Variants in GALNT15 observed in about 807,000 individuals in gnomAD.
GALNT15 encodes UDP-GalNAc transferase T15.
A neutral mutation model predicts 66.8 loss-of-function variants in GALNT15; 67 were observed. The observed-to-expected ratio is 1.00, with a 90% confidence interval of 0.82 to 1.23. The LOEUF (loss-of-function observed/expected upper bound fraction) is 1.23. Among genes scored for constraint, GALNT15 ranks in the 50% most tolerant of loss-of-function variants. The pLI is 0.00. For missense variants in GALNT15, 827 were observed against 804.3 expected (o/e 1.03, Z -0.34); for synonymous variants, 313 against 311.5 (o/e 1.00, Z -0.05).
rs2063499784 is a variant in GALNT15, at chr3:16,184,529, T to G, written c.539+8839T>G. Among the ~76,000 whole-genome samples, 1 of 152,230 alleles carries G rather than the reference T, an allele frequency of 6.6e-6. No individual in the cohort carries two copies. Among genetic ancestry groups the G allele is most frequent in the Admixed American group, 6.5e-5 (1 of 15,290 alleles). ...CTCTGGGCTGTGTCCTACCCACCCT[T>G]CAGGTCTTGGCTTTGATTTCACGTC... is the stretch of plus-strand genomic sequence containing the variant. On this transcript the variant is annotated intron_variant, in intron 1 of 9. Transcript: ENST00000339732. This position sits in a 1 kb window ranked among gnomAD's most constrained non-coding sequence, Gnocchi z 5.0.
At chr3:16,244,287 G>A in the GALNT15 span, among the ~76,000 whole-genome samples, 1 of 152,188 alleles carries the variant, frequency 6.6e-6, no homozygotes, top group Non-Finnish European at 1.5e-5. Flanking sequence ...ACTTGAGGGT[G>A]ACAAAGCATG....
the GALNT15 span, among the ~76,000 whole-genome samples, chr3:16,245,681 G>A: frequency 3.9e-5 from 6 of 152,210 alleles, no homozygotes; most frequent in African/African-American, 7.2e-5. Flanking sequence ...TTGAAGGAAG[G>A]GTTCCCCAAT....
In GALNT15 at chr3:16,222,647, C is replaced by G; in HGVS notation, c.1662C>G (p.His554Gln). ...AGCACACCAGCAGGAAGGAGATTCA[C>G]TTTGGCAGCCCACAGCACCTGTGCT... ...YLQHTSRKEI[H>Q]FGSPQHLCFA... Residue 554 changes from histidine to glutamine, a missense_variant, in exon 9 of 10, where the codon CAC (histidine) becomes CAG (glutamine). Transcript: ENST00000339732. 3.1e-6 allele frequency: 5 copies of G among 1,614,260 alleles called. No homozygotes were observed. Among genetic ancestry groups the G allele is most frequent in the Non-Finnish European group, 4.2e-6 (5 of 1,180,042 alleles).
rs1247208019 is a variant in GALNT15 at position 16,224,281 on chromosome 3, C to G, written c.1773+1523C>G. ...AAGTGAAAGCAACCCAGGTGTCCAC[C>G]ATGGATGAAGAGATAACAAAATGTG... is the stretch of plus-strand genomic sequence containing the variant. On this transcript the variant is annotated intron_variant, in intron 9 of 9. Transcript: ENST00000339732. The surrounding 1 kb of genome is among the most constrained non-coding windows in gnomAD (Gnocchi z 5.2). Among the ~76,000 whole-genome samples the G allele has an allele frequency of 6.6e-6, 1 of 152,204 alleles. No individual in the cohort carries two copies. The highest frequency in any genetic ancestry group is 6.5e-5 in the Admixed American group (1 of 15,288).
chr3:16,232,538 ATGT>A (rs1335006731), downstream of GALNT15, among the ~76,000 whole-genome samples: 1 of 126,286 alleles, frequency 7.9e-6, no homozygotes. Context: ...TAATGTGAGA[ATGT>A]TGAGCTCTCA....
At chr3:16,201,532 T>C (rs2063703862) in intron 3 of GALNT15, among the ~76,000 whole-genome samples, 1 of 152,112 alleles carries the variant, frequency 6.6e-6, no homozygotes, top group Non-Finnish European at 1.5e-5. Flanking sequence ...GGAAAAAGTC[T>C]CTGAACTACA....
Position 16,193,570 on chromosome 3 carries a change from A to G in GALNT15, c.540-2190A>G, listed in dbSNP as rs2063602646. ...CCTAGACTCAATTCTCCCTCTCTAC[A>G]CAGGATTTTGCCCTGAGAGTCACAC... On this transcript the variant is annotated intron_variant, in intron 1 of 9. Transcript: ENST00000339732. The surrounding 1 kb of genome is among the most constrained non-coding windows in gnomAD (Gnocchi z 4.7). Among the ~76,000 whole-genome samples, 1 of 152,162 alleles carries G rather than the reference A, an allele frequency of 6.6e-6. No homozygotes were observed. Among genetic ancestry groups the G allele is most frequent in the Non-Finnish European group, 1.5e-5 (1 of 68,026 alleles).
At position 16,194,027 on chromosome 3, in the gene GALNT15, A is replaced by G. The variant is rs921820655; in HGVS notation, c.540-1733A>G. On this transcript the variant is annotated intron_variant, in intron 1 of 9. Coordinates refer to ENST00000339732, the MANE Select transcript of GALNT15 (RefSeq NM_054110.5). ...ACAGACAGCCCCTCAGCAGAGGGAA[A>G]TGCAAACACCCCTGCTATCCAGCCA... Among the ~76,000 whole-genome samples, 5 of 152,302 alleles carry G rather than the reference A, an allele frequency of 3.3e-5. No individual in the cohort carries two copies. In the South Asian group the frequency reaches 1.0e-3, roughly 32 times the overall value.
the GALNT15 span, among the ~76,000 whole-genome samples, chr3:16,237,747 C>G: frequency 0.018 from 2,666 of 152,332 alleles, 65 homozygotes; most frequent in African/African-American, 0.06. This position sits in a 1 kb window ranked among gnomAD's most constrained non-coding sequence, Gnocchi z 4.2. Flanking sequence ...CTTGACCACT[C>G]TCCTTGGGAG....
chr3:16,197,643 T>A (rs6765663), intron 2 of GALNT15, among the ~76,000 whole-genome samples: 28,700 of 152,060 alleles, frequency 0.19, 3,752 homozygotes, highest in African/African-American at 0.37. Context: ...GACAGCATAG[T>A]GTAGTGTGAT....
rs1413365776 is a variant in GALNT15, at chr3:16,204,639, A to G, written c.911+3816A>G. 6.6e-6 allele frequency among the ~76,000 whole-genome samples: 1 copy of G among 152,178 alleles called. No individual in the cohort carries two copies. Among genetic ancestry groups the G allele is most frequent in the Non-Finnish European group, 1.5e-5 (1 of 68,026 alleles). On this transcript the variant is annotated intron_variant, in intron 3 of 9. Coordinates refer to ENST00000339732, the MANE Select transcript of GALNT15 (RefSeq NM_054110.5). The surrounding 1 kb of genome is among the most constrained non-coding windows in gnomAD (Gnocchi z 4.5). ...GGAAGCCATACCCCTGGAAGGATGA[A>G]GGTTTCTAAGGGGAAAGGGACAGTC...
At position 16,187,545 on chromosome 3, in the gene GALNT15, G is replaced by A. The variant is rs572147051; in HGVS notation, c.540-8215G>A. Among the ~76,000 whole-genome samples, 1 of 152,282 alleles carries A rather than the reference G, an allele frequency of 6.6e-6. No individual in the cohort carries two copies. Among genetic ancestry groups the A allele is most frequent in the East Asian group, 1.9e-4 (1 of 5,152 alleles). On this transcript the variant is annotated intron_variant, in intron 1 of 9. Transcript: ENST00000339732. The surrounding 1 kb of genome is among the most constrained non-coding windows in gnomAD (Gnocchi z 5.1). ...ATTACATGGCATCTCATGACAGCAA[G>A]TGGAAGGCCTTGAGGCTTAATCTTG...
chr3:16,211,819 A>C lies in GALNT15; in HGVS notation c.1197+578A>C, dbSNP rs2063817898. ...AAGAGTGCAGAGATCTAATGCTGAA[A>C]GTGTGAATTACCTGACGCTTGTATT... On this transcript the variant is annotated intron_variant, in intron 5 of 9. Transcript: ENST00000339732. The surrounding 1 kb of genome is among the most constrained non-coding windows in gnomAD (Gnocchi z 4.3). Among the ~76,000 whole-genome samples, 1 of 152,206 alleles carries C rather than the reference A, an allele frequency of 6.6e-6. No individual in the cohort carries two copies. Among genetic ancestry groups the C allele is most frequent in the South Asian group, 2.1e-4 (1 of 4,828 alleles).
At position 16,189,967 on chromosome 3, in the gene GALNT15, A is replaced by G. The variant is rs2063555926; in HGVS notation, c.540-5793A>G. Among the ~76,000 whole-genome samples the G allele has an allele frequency of 6.6e-6, 1 of 152,236 alleles. No individual in the cohort carries two copies. The highest frequency in any genetic ancestry group is 6.5e-5 in the Admixed American group (1 of 15,290). On this transcript the variant is annotated intron_variant, in intron 1 of 9. Transcript: ENST00000339732. This position sits in a 1 kb window ranked among gnomAD's most constrained non-coding sequence, Gnocchi z 5.1. The stretch of plus-strand genomic sequence containing the variant: ...ACTTGCCCAGGTCACATAAGGACAG[A>G]CTGGGATTTGAACCCAATGCCAAAA...
Position 16,211,091 on chromosome 3 carries a change from A to G in GALNT15, c.1080-33A>G, listed in dbSNP as rs368102928. 34 of 1,520,532 alleles carry G rather than the reference A, an allele frequency of 2.2e-5. No individual in the cohort carries two copies. The African/African-American group carries it at 4.2e-4, about 19-fold the overall frequency. The allele number at this position is 1,520,532 out of a possible 1,614,324, so 94.2% of individuals were successfully genotyped here. On this transcript the variant is annotated intron_variant, in intron 4 of 9. Transcript: ENST00000339732. The surrounding 1 kb of genome is among the most constrained non-coding windows in gnomAD (Gnocchi z 4.3). ...CTCGCCTGCTGTGCTCTGGGTTCTG[A>G]ACTGCAGTGTCCTGCCTGTCTTCTG...
At chr3:16,239,583 T>C in the GALNT15 span, among the ~76,000 whole-genome samples, 1 of 152,208 alleles carries the variant, frequency 6.6e-6, no homozygotes, top group African/African-American at 2.4e-5. This position sits in a 1 kb window ranked among gnomAD's most constrained non-coding sequence, Gnocchi z 5.2. Flanking sequence ...GTGCCTGCCA[T>C]CTGGAACTCA....
rs1280924092 is a variant in GALNT15 at position 16,203,563 on chromosome 3, A to T, written c.911+2740A>T. 1.0e-4 allele frequency among the ~76,000 whole-genome samples: 15 copies of T among 148,016 alleles called. No individual in the cohort carries two copies. The highest frequency in any genetic ancestry group is 3.7e-4 in the African/African-American group (15 of 40,238). Reference sequence around the variant, plus strand: ...CTCTCTCACACACACACACACACACACACACACACACACACACACACACAC... The same window carrying T: ...CTCTCTCACACACACACACACACACTCACACACACACACACACACACACAC... On this transcript the variant is annotated intron_variant, in intron 3 of 9. Coordinates refer to ENST00000339732, the MANE Select transcript of GALNT15 (RefSeq NM_054110.5). This position sits in a 1 kb window ranked among gnomAD's most constrained non-coding sequence, Gnocchi z 6.2.
At chr3:16,208,776 C>T (rs1411035571) in intron 4 of GALNT15, 106 bp downstream of exon 4, 11 of 996,810 alleles carry the variant, frequency 1.1e-5, no homozygotes, top group African/African-American at 1.6e-5. Flanking sequence ...TAGTAAATTA[C>T]TTAATGTATG....
In GALNT15 at chr3:16,195,646, G is replaced by A. The variant is rs748920367; in HGVS notation, c.540-114G>A. The A allele has an allele frequency of 1.1e-5, 9 of 825,964 alleles. No individual in the cohort carries two copies. Among genetic ancestry groups the A allele is most frequent in the Non-Finnish European group, 1.3e-5 (7 of 534,204 alleles). The allele number at this position is 825,964 out of a possible 1,614,324, so 51.2% of individuals were successfully genotyped here. On this transcript the variant is annotated intron_variant, in intron 1 of 9. Transcript: ENST00000339732. The surrounding 1 kb of genome is among the most constrained non-coding windows in gnomAD (Gnocchi z 4.6). ...ATGGGAATTTTAAGAGATCCCATAGGACAGCCATATAATGGGGGCAGCTCC... is the reference window on the plus strand; with the variant it reads ...ATGGGAATTTTAAGAGATCCCATAGAACAGCCATATAATGGGGGCAGCTCC...
Sources: allele counts gnomAD v4.1 joint callset (sites outside exome capture counted in the v4.1 genomes callset), GRCh38; gene constraint gnomAD v4.1.1; non-coding constraint Gnocchi (gnomAD v3.1); transcripts MANE v1.5; gene names NCBI Gene and HGNC (gene_info 2026-07-23, HGNC 2026-07-21).